FCGR3A: variants seen among roughly 807,000 people sequenced by gnomAD.
The protein encoded by FCGR3A is Fc gamma receptor IIIa, also known as low affinity immunoglobulin gamma Fc region receptor III-A.
Under a neutral mutation model 24.1 loss-of-function variants are expected in FCGR3A, and 13 were observed. The ratio of observed to expected loss-of-function variants is 0.54; its 90% CI spans 0.35 to 0.86. The LOEUF (loss-of-function observed/expected upper bound fraction) is 0.86. Ranked by LOEUF, FCGR3A falls within the 40% of genes least tolerant of loss-of-function variation. The pLI, the probability that FCGR3A is intolerant of heterozygous loss-of-function variation, is 0.01. For missense variants in FCGR3A, 235 were observed against 298.0 expected (o/e 0.79, Z 1.56); for synonymous variants, 93 against 112.2 (o/e 0.83, Z 1.08).
At chr1:161,546,469 G>C in intron 3 of FCGR3A, among the ~76,000 whole-genome samples, 1 of 152,014 alleles carries the variant, frequency 6.6e-6, no homozygotes, top group Non-Finnish European at 1.5e-5. Flanking sequence ...ATAGTTCTCA[G>C]CCTCAAAGAA....
chr1:161,549,928 C>G (rs1264961129), upstream of FCGR3A: 82 of 1,511,698 alleles, frequency 5.4e-5, no homozygotes, highest in South Asian at 9.4e-4. Flanking sequence ...CACCATAGAA[C>G]AGGACCAGGA....
chr1:161,543,342 T>C lies in FCGR3A; in HGVS notation c.578-143A>G, dbSNP rs552480374. 3.5e-4 allele frequency: 327 copies of C among 944,538 alleles called. 5 individuals carry two copies. The South Asian group carries it at 5.1e-3, about 15-fold the overall frequency. 58.5% of individuals were successfully genotyped at this position (944,538 alleles called of 1,614,324 possible). A position where few individuals can be genotyped will look rare whatever the true frequency, so the allele number is the denominator to read the frequency against. On this transcript the variant is annotated intron_variant, in intron 4 of 4. Coordinates refer to ENST00000443193, the MANE Select transcript of FCGR3A (RefSeq NM_000569.8). The stretch of plus-strand genomic sequence containing the variant: ...AATGGTGGGGAAGTCTGGGGGAAAG[T>C]ATTGCTTCCTCCCATTGGTTCCTGA...
intron 3 of FCGR3A, among the ~76,000 whole-genome samples, chr1:161,546,357 A>C (rs1290023026): frequency 3.9e-5 from 6 of 151,996 alleles, no homozygotes; most frequent in South Asian, 2.1e-4. Context: ...CCTGTCATGG[A>C]CCCAGTGAAT....
chr1:161,546,067 A>C (rs978837425), intron 3 of FCGR3A, among the ~76,000 whole-genome samples: 1 of 152,102 alleles, frequency 6.6e-6, no homozygotes, highest in African/African-American at 2.4e-5. Context: ...TTATTTTTTA[A>C]ATCTACATTC....
At position 161,542,957 on chromosome 1, in the gene FCGR3A, A is replaced by G. The variant is rs1677186476; in HGVS notation, c.*55T>C. ...GAGGATGATGGGGTTGCAAATCCAG[A>G]GAAATGTTCAGAGATGCTGCTGCTA... is the stretch of plus-strand genomic sequence containing the variant. On this transcript the variant is annotated 3_prime_UTR_variant, in exon 5 of 5. Transcript: ENST00000443193. 7.7e-6 allele frequency: 11 copies of G among 1,434,920 alleles called. No individual in the cohort carries two copies. Among genetic ancestry groups the G allele is most frequent in the Non-Finnish European group, 1.0e-5 (11 of 1,050,256 alleles). 88.9% of individuals were successfully genotyped at this position (1,434,920 alleles called of 1,614,324 possible). A position where few individuals can be genotyped will look rare whatever the true frequency, so the allele number is the denominator to read the frequency against.
At chr1:161,546,316 C>A (rs541592955) in intron 3 of FCGR3A, among the ~76,000 whole-genome samples, 1 of 152,070 alleles carries the variant, frequency 6.6e-6, no homozygotes, top group East Asian at 1.9e-4. Context: ...AGTCTGGTGG[C>A]CTTTGGAGGA....
chr1:161,550,365 C>G (rs1029921708), upstream of FCGR3A, among the ~76,000 whole-genome samples: 7 of 152,190 alleles, frequency 4.6e-5, no homozygotes, highest in Non-Finnish European at 7.3e-5. Flanking sequence ...ATGTAATCCA[C>G]AGGAGCTACT....
At chr1:161,550,476 G>T, upstream of FCGR3A, 1 of 151,596 alleles carries the variant, frequency 6.6e-6, no homozygotes, top group Non-Finnish European at 1.4e-5. Context: ...GCGAAAGGCT[G>T]AAAAGATCAC....
In FCGR3A at chr1:161,544,692, A is replaced by G. The variant is rs1215831344; in HGVS notation, c.577+9T>C. The G allele has an allele frequency of 6.2e-7, 1 of 1,611,004 alleles. No individual in the cohort carries two copies. Among genetic ancestry groups the G allele is most frequent in the East Asian group, 2.2e-5 (1 of 44,836 alleles). On this transcript the variant is annotated intron_variant, in intron 4 of 4. Coordinates refer to ENST00000443193, the MANE Select transcript of FCGR3A (RefSeq NM_000569.8). Reference sequence around the variant, plus strand: ...GTCCCTGGGCATTCCAGGGTGGCACATGTCTCACCTTGAGTGATGGTGATG... The same window carrying G: ...GTCCCTGGGCATTCCAGGGTGGCACGTGTCTCACCTTGAGTGATGGTGATG...
At chr1:161,548,136 G>C (rs1677522424) in intron 3 of FCGR3A, among the ~76,000 whole-genome samples, 1 of 152,290 alleles carries the variant, frequency 6.6e-6, no homozygotes, top group Non-Finnish European at 1.5e-5. Context: ...TCTATGCCAT[G>C]GCCTAACCTT....
At position 161,549,080 on chromosome 1, in the gene FCGR3A, G is replaced by A. The variant is rs368442886; in HGVS notation, c.41-49C>T. 122 of 1,527,926 alleles carry A rather than the reference G, an allele frequency of 8.0e-5. 2 individuals are homozygous for A. The African/African-American group carries it at 1.4e-3, about 18-fold the overall frequency. The allele number at this position is 1,527,926 out of a possible 1,614,324, so 94.6% of individuals were successfully genotyped here. A position where few individuals can be genotyped will look rare whatever the true frequency, so the allele number is the denominator to read the frequency against. ...ATATTGAGTAGGGGCAGAGATCAGA[G>A]TGATTAGAACATAGAGTGAGTTTAA... On this transcript the variant is annotated intron_variant, in intron 1 of 4. Coordinates refer to ENST00000443193, the MANE Select transcript of FCGR3A (RefSeq NM_000569.8).
At chr1:161,548,180 T>C (rs1572021029) in intron 3 of FCGR3A, among the ~76,000 whole-genome samples, 1 of 152,292 alleles carries the variant, frequency 6.6e-6, no homozygotes, top group Non-Finnish European at 1.5e-5. Context: ...GCACTCCATA[T>C]GGGGATTCTT....
intron 1 of FCGR3A, 96 bp from the exon 2 acceptor site, chr1:161,549,127 C>T (rs567571218): frequency 8.1e-6 from 8 of 992,418 alleles, no homozygotes; most frequent in Non-Finnish European, 1.1e-5. Context: ...CCTCCTCTGC[C>T]CCAGGAGCCC....
rs1321933230 is a variant in FCGR3A at position 161,549,678 on chromosome 1, C to A, written c.40+19G>T. On this transcript the variant is annotated intron_variant, in intron 1 of 4. Coordinates refer to ENST00000443193, the MANE Select transcript of FCGR3A (RefSeq NM_000569.8). ...AGGCATCTCAAACTTCTCCCTCAACCAGGGAGACCCTGACTTACCTAGAAG... is the reference window on the plus strand; with the variant it reads ...AGGCATCTCAAACTTCTCCCTCAACAAGGGAGACCCTGACTTACCTAGAAG... The A allele has an allele frequency of 3.1e-6, 5 of 1,613,008 alleles. No homozygotes were observed. Among genetic ancestry groups the A allele is most frequent in the South Asian group, 1.1e-5 (1 of 90,942 alleles).
intron 4 of FCGR3A, among the ~76,000 whole-genome samples, chr1:161,543,410 G>A (rs1275582603): frequency 2.0e-5 from 3 of 152,150 alleles, no homozygotes; most frequent in African/African-American, 7.2e-5. Context: ...CAAACACTGA[G>A]CAAAGGCTCC....
upstream of FCGR3A, chr1:161,550,171 CA>C (rs1557859394): frequency 2.0e-6 from 1 of 503,288 alleles, no homozygotes; most frequent in African/African-American, 2.0e-5. Flanking sequence ...TCCTTCATTT[CA>C]CCTCAGAACT....
At position 161,542,986 on chromosome 1, in the gene FCGR3A, C is replaced by A. The variant is rs1413985707; in HGVS notation, c.*26G>T. Reference sequence around the variant, plus strand: ...ATGTTCAGAGATGCTGCTGCTACTGCTCTTATTACCCCCATGGGATGGGGG... The same window carrying A: ...ATGTTCAGAGATGCTGCTGCTACTGATCTTATTACCCCCATGGGATGGGGG... On this transcript the variant is annotated 3_prime_UTR_variant, in exon 5 of 5. Coordinates refer to ENST00000443193, the MANE Select transcript of FCGR3A (RefSeq NM_000569.8). 8 of 1,570,928 alleles carry A rather than the reference C, an allele frequency of 5.1e-6. No individual in the cohort carries two copies. The East Asian group carries it at 1.8e-4, about 35-fold the overall frequency.
chr1:161,549,840 C>A (rs1488040908), upstream of FCGR3A: 2 of 1,613,104 alleles, frequency 1.2e-6, no homozygotes, highest in South Asian at 2.2e-5. Flanking sequence ...AGCCCCTCCA[C>A]CCATCTCTGT....
At chr1:161,545,880 T>G (rs1677369397) in intron 3 of FCGR3A, 1 of 152,062 alleles carries the variant, frequency 6.6e-6, no homozygotes, top group Admixed American at 6.6e-5. Context: ...CTTCAAATAT[T>G]TTAAAAAGTA....
Sources: gnomAD v4.1 joint callset for allele counts (sites outside exome capture counted in the v4.1 genomes callset) on GRCh38, gnomAD v4.1.1 for gene constraint, MANE v1.5 for transcripts, NCBI Gene and HGNC (gene_info 2026-07-23, HGNC 2026-07-21) for gene names.